Variants in TMEM266 observed in about 807,000 individuals in gnomAD.
TMEM266 encodes the protein transmembrane protein 266.
A neutral mutation model predicts 50.5 loss-of-function variants in TMEM266; 33 were observed. The ratio of observed to expected loss-of-function variants is 0.65; its 90% CI spans 0.50 to 0.87. TMEM266 has a LOEUF of 0.87. Ranked by LOEUF, TMEM266 falls within the 40% of genes least tolerant of loss-of-function variation. TMEM266 has a pLI of 0.00. For missense variants in TMEM266, 655 were observed against 695.1 expected, an observed-to-expected ratio of 0.94 and a Z score of 0.65; for synonymous variants, 310 against 292.3, an observed-to-expected ratio of 1.06 and a Z score of -0.62.
chr15:76,073,585 T>A (rs1381596913), intron 1 of TMEM266, among the ~76,000 whole-genome samples: 1 of 152,184 alleles, frequency 6.6e-6, no homozygotes, highest in Non-Finnish European at 1.5e-5. Flanking sequence ...CAGGATAAAA[T>A]AATTCACACA....
At chr15:76,199,039 G>C (rs937766242) in intron 9 of TMEM266, among the ~76,000 whole-genome samples, 7 of 140,762 alleles carry the variant, frequency 5.0e-5, no homozygotes, top group Non-Finnish European at 7.9e-5. Context: ...CTAATTCATT[G>C]AACCCACAGG....
chr15:76,192,424 TGTG>T (rs1275966191), intron 9 of TMEM266, among the ~76,000 whole-genome samples: 1 of 152,106 alleles, frequency 6.6e-6, no homozygotes, highest in Non-Finnish European at 1.5e-5. Context: ...GTGCGTTGTG[TGTG>T]GTGTCTTCCC....
At position 76,190,514 on chromosome 15, in the gene TMEM266, A is replaced by G. The variant is rs181414931; in HGVS notation, c.769-1454A>G. Among the ~76,000 whole-genome samples the G allele has an allele frequency of 2.7e-4, 41 of 152,106 alleles. 1 individual carries two copies. The highest frequency in any genetic ancestry group is 1.6e-3 in the Admixed American group (25 of 15,280). On this transcript the variant is annotated intron_variant, in intron 8 of 10. Coordinates refer to ENST00000388942, the MANE Select transcript of TMEM266 (RefSeq NM_152335.3). ...TTGGAGTGATGGCAGAGGGACACAG[A>G]AGCCACGGCTGTAGGGGCCAGAGCT... is the stretch of plus-strand genomic sequence containing the variant.
At chr15:76,170,138 T>C (rs1397362616) in intron 6 of TMEM266, among the ~76,000 whole-genome samples, 1 of 143,198 alleles carries the variant, frequency 7.0e-6, no homozygotes, top group African/African-American at 2.5e-5. Context: ...TTTGAATCAA[T>C]TTGAAAAGCT....
Position 76,139,930 on chromosome 15 carries a change from T to C in TMEM266, c.227+2035T>C, listed in dbSNP as rs1055647598. The stretch of plus-strand genomic sequence containing the variant: ...TGTACCACCCTGTGATGTACCCCTT[T>C]CAGGGGTCCTGTGCTGTGGTGTACC... On this transcript the variant is annotated intron_variant, in intron 3 of 10. Coordinates refer to ENST00000388942, the MANE Select transcript of TMEM266 (RefSeq NM_152335.3). The surrounding 1 kb of genome is among the most constrained non-coding windows in gnomAD (Gnocchi z 4.1). 1.3e-5 allele frequency among the ~76,000 whole-genome samples: 2 copies of C among 152,336 alleles called. No individual in the cohort carries two copies. The highest frequency in any genetic ancestry group is 6.8e-3 in the Middle Eastern group (2 of 294).
chr15:76,163,421 C>A (rs1477779708), intron 5 of TMEM266, among the ~76,000 whole-genome samples: 2 of 152,066 alleles, frequency 1.3e-5, no homozygotes, highest in African/African-American at 4.8e-5. Flanking sequence ...TGCAGGGGTC[C>A]CTGCACAGGG....
intron 1 of TMEM266, among the ~76,000 whole-genome samples, chr15:76,100,305 T>C (rs2036983987): frequency 6.6e-6 from 1 of 152,252 alleles, no homozygotes; most frequent in Admixed American, 6.5e-5. Flanking sequence ...TGAATTGTTA[T>C]TACTATGTAA....
intron 1 of TMEM266, among the ~76,000 whole-genome samples, chr15:76,092,655 A>G (rs2036864464): frequency 6.6e-6 from 1 of 151,558 alleles, no homozygotes; most frequent in African/African-American, 2.4e-5. Flanking sequence ...GTGCCACTGC[A>G]CTTCAGCCTG....
chr15:76,103,436 G>A (rs1223657723), intron 1 of TMEM266, among the ~76,000 whole-genome samples: 1 of 151,748 alleles, frequency 6.6e-6, no homozygotes, highest in African/African-American at 2.4e-5. Context: ...GGAGGTTAAG[G>A]CTGCAGTAAG....
chr15:76,201,385 A>G (rs550478161), intron 9 of TMEM266, among the ~76,000 whole-genome samples: 50 of 152,140 alleles, frequency 3.3e-4, no homozygotes, highest in African/African-American at 1.0e-3. Flanking sequence ...CAGGAGGTGA[A>G]CCAAGATTCC....
At chr15:76,066,949 C>T (rs1055974920) in intron 1 of TMEM266, among the ~76,000 whole-genome samples, 4 of 152,104 alleles carry the variant, frequency 2.6e-5, no homozygotes, top group African/African-American at 7.2e-5. Context: ...GTGACCCTTA[C>T]CCACTAGATG....
In TMEM266 at chr15:76,175,668, G is replaced by A; in HGVS notation, c.762G>A (p.Glu254=). The A allele has an allele frequency of 6.2e-7, 1 of 1,613,830 alleles. No homozygotes were observed. The highest frequency in any genetic ancestry group is 8.5e-7 in the Non-Finnish European group (1 of 1,179,752). ...AGAGGCTGACGCAGATCTGTCAGGA[G>A]CAAGGGGTAATGCACTGCCACTTTC... Residue 254 remains glutamate (E), a synonymous_variant, in exon 8 of 11, where the codon GAG becomes GAA. Transcript: ENST00000388942.
intron 8 of TMEM266, chr15:76,191,721 GA>G (rs2038573476): frequency 2.2e-6 from 1 of 450,058 alleles, no homozygotes; most frequent in African/African-American, 2.1e-5. Context: ...GGGCATCCGT[GA>G]GATGGGGGCC....
At chr15:76,185,905 T>G (rs1007089781) in intron 8 of TMEM266, among the ~76,000 whole-genome samples, 2 of 152,062 alleles carry the variant, frequency 1.3e-5, no homozygotes, top group African/African-American at 4.8e-5. Flanking sequence ...CCATTTGCCT[T>G]ATTGGACACA....
intron 3 of TMEM266, among the ~76,000 whole-genome samples, chr15:76,145,943 G>T (rs973306781): frequency 6.6e-6 from 1 of 152,200 alleles, no homozygotes; most frequent in Non-Finnish European, 1.5e-5. Context: ...ACTCAATGGT[G>T]GAAAAGTGAA....
Position 76,160,319 on chromosome 15 carries a change from C to T in TMEM266, c.456+151C>T, listed in dbSNP as rs926742270. The T allele has an allele frequency of 2.3e-6, 2 of 851,436 alleles. No homozygotes were observed. The highest frequency in any genetic ancestry group is 3.4e-5 in the African/African-American group (2 of 59,434). The allele number at this position is 851,436 out of a possible 1,614,324, so 52.7% of individuals were successfully genotyped here. On this transcript the variant is annotated intron_variant, in intron 5 of 10. Transcript: ENST00000388942. The surrounding 1 kb of genome is among the most constrained non-coding windows in gnomAD (Gnocchi z 5.7). The stretch of plus-strand genomic sequence containing the variant: ...GGGAGACACAATATAGATAGATGAT[C>T]TCTGCGGGGGGAAGTGGTACAGGGA...
chr15:76,137,859 T>A lies in TMEM266; in HGVS notation c.191T>A (p.Leu64His), dbSNP rs776108925. ...GATCTCTCCACGGCGGGCTCGCAGC[T>A]CCTGTCAAATCTGGACGAAGATTAC... The change falls in exon 3 of 11, where the codon CTC becomes CAC. Residue 64 changes from leucine (L) to histidine (H), a missense_variant. This residue lies in a region of TMEM266 where 99 missense variants were observed against 110.8 expected (regional missense o/e 0.89). Transcript: ENST00000388942. 1.3e-6 allele frequency: 2 copies of A among 1,598,854 alleles called. No individual in the cohort carries two copies. Among genetic ancestry groups the A allele is most frequent in the Non-Finnish European group, 1.7e-6 (2 of 1,172,856 alleles).
intron 1 of TMEM266, among the ~76,000 whole-genome samples, chr15:76,065,749 T>C (rs1376884502): frequency 1.3e-5 from 2 of 152,186 alleles, no homozygotes; most frequent in Non-Finnish European, 2.9e-5. Flanking sequence ...TAACTTCCTG[T>C]GTACATGCCT....
chr15:76,130,561 G>A (rs767313076), intron 1 of TMEM266, among the ~76,000 whole-genome samples: 1 of 152,232 alleles, frequency 6.6e-6, no homozygotes, highest in African/African-American at 2.4e-5. Flanking sequence ...TTGACTTGGG[G>A]ATGATGATAG....
Sources: allele counts gnomAD v4.1 joint callset (sites outside exome capture counted in the v4.1 genomes callset), GRCh38; gene constraint gnomAD v4.1.1; regional missense constraint gnomAD v4.1.1; non-coding constraint Gnocchi (gnomAD v3.1); transcripts MANE v1.5; gene names NCBI Gene and HGNC (gene_info 2026-07-23, HGNC 2026-07-21).